Variants in CNTN5 observed in about 807,000 individuals in gnomAD.
The protein encoded by CNTN5 is contactin-5.
CNTN5 carries 77 observed loss-of-function variants against 129.1 expected under a neutral mutation model. The observed-to-expected ratio is 0.60, with a 90% CI of 0.50 to 0.72. CNTN5 has a LOEUF of 0.72. CNTN5 is among the 30% of genes least tolerant of loss of function. CNTN5 has a pLI of 0.00. For missense variants in CNTN5, 1,478 were observed against 1,328.8 expected (o/e 1.11, Z -1.75); for synonymous variants, 509 against 465.6 (o/e 1.09, Z -1.20).
chr11:100,089,083 C>T (rs1394304890), intron 13 of CNTN5, among the ~76,000 whole-genome samples: 1 of 152,078 alleles, frequency 6.6e-6, no homozygotes, highest in Non-Finnish European at 1.5e-5. Flanking sequence ...TCAACATATG[C>T]AAATCAATAA....
intron 2 of CNTN5, among the ~76,000 whole-genome samples, chr11:99,494,984 T>A (rs1288341473): frequency 6.6e-6 from 1 of 152,228 alleles, no homozygotes; most frequent in Non-Finnish European, 1.5e-5. Flanking sequence ...CAATATAAAC[T>A]TTTATAGATA....
intron 2 of CNTN5, among the ~76,000 whole-genome samples, chr11:99,375,529 A>G (rs1293664548): frequency 6.6e-6 from 1 of 152,156 alleles, no homozygotes; most frequent in African/African-American, 2.4e-5. Context: ...AAGTTCTTGG[A>G]TGATATTTTT....
intron 3 of CNTN5, among the ~76,000 whole-genome samples, chr11:99,773,001 T>A (rs1234774115): frequency 6.6e-6 from 1 of 152,082 alleles, no homozygotes; most frequent in Non-Finnish European, 1.5e-5. Flanking sequence ...ACATAATGTA[T>A]AACTTACTTA....
chr11:99,414,537 G>T (rs1018608933), intron 2 of CNTN5, among the ~76,000 whole-genome samples: 1 of 151,980 alleles, frequency 6.6e-6, no homozygotes, highest in Non-Finnish European at 1.5e-5. Flanking sequence ...GTTCAGCAAT[G>T]AACAAATACA....
intron 1 of CNTN5, among the ~76,000 whole-genome samples, chr11:99,123,378 A>T (rs1471370289): frequency 1.3e-5 from 2 of 151,976 alleles, no homozygotes; most frequent in African/African-American, 2.4e-5. Flanking sequence ...TCATTTGCCC[A>T]CTTATTAATG....
chr11:100,341,120 G>C lies in CNTN5; in HGVS notation c.2945G>C (p.Arg982Thr). The C allele has an allele frequency of 2.5e-6, 4 of 1,613,806 alleles. 1 individual carries two copies. The South Asian group carries it at 4.4e-5, about 18-fold the overall frequency. ...SPPSQAPSNL[R>T]WEQQGSQVSL... ...CCTAGTCAAGCACCTAGCAACCTCA[G>C]GTGGGAGCAGCAAGGCTCTCAGGTT... The change falls in exon 23 of 25, where the codon AGG becomes ACG. Residue 982 changes from arginine (R) to threonine (T), a missense_variant. Transcript: ENST00000524871.
At chr11:99,636,934 G>A (rs554880253) in intron 3 of CNTN5, among the ~76,000 whole-genome samples, 10,892 of 47,804 alleles carry the variant, frequency 0.23, 1,539 homozygotes, top group Middle Eastern at 0.32. Flanking sequence ...AATCACTTGA[G>A]CCCAGGAGGC....
rs749061189 is a variant in CNTN5, at chr11:100,224,822, C to G, written c.2005+10C>G. ...GAACTTCTTGTTAGGGGTGAGTATG[C>G]TAATAGTGCAGTCTGAAGACATGAT... On this transcript the variant is annotated intron_variant, in intron 16 of 24. Coordinates refer to ENST00000524871, the MANE Select transcript of CNTN5 (RefSeq NM_014361.4). The G allele has an allele frequency of 6.2e-7, 1 of 1,612,152 alleles. No individual in the cohort carries two copies.
intron 2 of CNTN5, among the ~76,000 whole-genome samples, chr11:99,399,441 C>T (rs1340166616): frequency 6.6e-6 from 1 of 151,448 alleles, no homozygotes; most frequent in African/African-American, 2.4e-5. Flanking sequence ...GAACATTGAG[C>T]TATATAATAA....
intron 16 of CNTN5, among the ~76,000 whole-genome samples, chr11:100,245,144 G>T (rs1194508603): frequency 6.6e-6 from 1 of 151,992 alleles, no homozygotes; most frequent in African/African-American, 2.4e-5. Context: ...AACTTTTTAT[G>T]CAAGGGCCCA....
intron 6 of CNTN5, among the ~76,000 whole-genome samples, chr11:99,908,354 C>T (rs924215427): frequency 1.1e-4 from 17 of 152,088 alleles, no homozygotes; most frequent in African/African-American, 3.4e-4. Context: ...CTATACTAAA[C>T]GATTTTCTGG....
At chr11:99,055,007 C>T (rs578010895) in intron 1 of CNTN5, among the ~76,000 whole-genome samples, 9 of 151,828 alleles carry the variant, frequency 5.9e-5, no homozygotes, top group South Asian at 2.1e-4. Context: ...AACTTTAAAT[C>T]GTAATTACCT....
chr11:99,212,402 C>A (rs1259974570), intron 1 of CNTN5, among the ~76,000 whole-genome samples: 1 of 152,132 alleles, frequency 6.6e-6, no homozygotes, highest in African/African-American at 2.4e-5. Context: ...CTAAATATTT[C>A]TTATAAGTCT....
At chr11:99,486,933 C>A (rs1231143153) in intron 2 of CNTN5, among the ~76,000 whole-genome samples, 1 of 152,146 alleles carries the variant, frequency 6.6e-6, no homozygotes, top group Non-Finnish European at 1.5e-5. Context: ...CTATATTATA[C>A]AATCCCCAAA....
intron 3 of CNTN5, among the ~76,000 whole-genome samples, chr11:99,757,551 C>T (rs944333619): frequency 6.6e-6 from 1 of 151,920 alleles, no homozygotes; most frequent in Non-Finnish European, 1.5e-5. Context: ...TTATAAGGAC[C>T]CATACTATAA....
chr11:99,146,213 T>C (rs748432499), intron 1 of CNTN5, among the ~76,000 whole-genome samples: 3 of 152,226 alleles, frequency 2.0e-5, no homozygotes, highest in East Asian at 3.9e-4. Context: ...CAAAAGAGGA[T>C]TGGAGAAGTA....
chr11:99,230,818 C>T (rs112105196), intron 1 of CNTN5, among the ~76,000 whole-genome samples: 1 of 152,044 alleles, frequency 6.6e-6, no homozygotes, highest in Admixed American at 6.6e-5. Flanking sequence ...CTCTCCCACC[C>T]CCTGACAAGC....
chr11:99,785,586 A>G (rs1323526095), intron 3 of CNTN5, among the ~76,000 whole-genome samples: 1 of 152,194 alleles, frequency 6.6e-6, no homozygotes, highest in Non-Finnish European at 1.5e-5. Context: ...ATCGACGCAA[A>G]TATCCTCAAT....
At chr11:99,507,375 C>CAAAA (rs35059394) in intron 2 of CNTN5, among the ~76,000 whole-genome samples, 308 of 87,288 alleles carry the variant, frequency 3.5e-3, no homozygotes, top group African/African-American at 0.013. Flanking sequence ...GACTCTGTCT[C>CAAAA]AAAAAAAAAA....
Sources: allele counts gnomAD v4.1 joint callset (sites outside exome capture counted in the v4.1 genomes callset), GRCh38; gene constraint gnomAD v4.1.1; transcripts MANE v1.5; gene names NCBI Gene and HGNC (gene_info 2026-07-23, HGNC 2026-07-21).